TYW1B: variants seen among roughly 807,000 people sequenced by gnomAD.
The protein encoded by TYW1B is tRNA-yW synthesizing protein 1 homolog B.
TYW1B carries 73 observed loss-of-function variants against 86.9 expected under a neutral mutation model. The ratio of observed to expected loss-of-function variants is 0.84; its 90% CI spans 0.70 to 1.02. TYW1B has a LOEUF of 1.02. Ranked by LOEUF, TYW1B falls within the 50% of genes least tolerant of loss-of-function variation. The pLI, the probability that TYW1B is intolerant of heterozygous loss-of-function variation, is 0.00. For synonymous variants in TYW1B, 248 were observed against 292.8 expected, an observed-to-expected ratio of 0.85 and a Z score of 1.56; for missense variants, 637 against 827.4, an observed-to-expected ratio of 0.77 and a Z score of 2.82.
intron 11 of TYW1B, among the ~76,000 whole-genome samples, chr7:72,663,241 A>G (rs1554444723): frequency 6.6e-6 from 1 of 152,142 alleles, no homozygotes; most frequent in East Asian, 1.9e-4. Flanking sequence ...GTTTGTGGCA[A>G]TGGGTCACCA....
intron 3 of TYW1B, 62 bp downstream of exon 3, chr7:72,815,318 T>C (rs2129572812): frequency 1.5e-6 from 2 of 1,372,252 alleles, no homozygotes; most frequent in East Asian, 4.9e-5. Context: ...TTAAATTTAC[T>C]GTGAAGATTG....
chr7:72,814,699 T>C (rs1402799783), intron 3 of TYW1B, among the ~76,000 whole-genome samples: 40 of 151,780 alleles, frequency 2.6e-4, no homozygotes, highest in African/African-American at 7.7e-4. Flanking sequence ...GAGGTTGAAA[T>C]TGCACCACTG....
At chr7:72,826,335 C>G (rs1384308757) in intron 2 of TYW1B, among the ~76,000 whole-genome samples, 1 of 152,184 alleles carries the variant, frequency 6.6e-6, no homozygotes, top group African/African-American at 2.4e-5. Context: ...TTATTTTTCT[C>G]TTAATCTGAC....
intron 11 of TYW1B, among the ~76,000 whole-genome samples, chr7:72,654,459 G>A (rs1479572140): frequency 6.6e-6 from 1 of 152,200 alleles, no homozygotes; most frequent in Non-Finnish European, 1.5e-5. Context: ...GTCCAGCCTA[G>A]AGAAGCCTAA....
intron 12 of TYW1B, among the ~76,000 whole-genome samples, chr7:72,626,055 G>C (rs1812341768): frequency 6.6e-6 from 1 of 151,876 alleles, no homozygotes; most frequent in African/African-American, 2.4e-5. Context: ...GGCAAGGTTT[G>C]CTTAAGCTGA....
chr7:72,674,204 A>G (rs527644030), intron 11 of TYW1B, among the ~76,000 whole-genome samples: 1 of 152,282 alleles, frequency 6.6e-6, no homozygotes, highest in South Asian at 2.1e-4. Context: ...TTTAAGCATT[A>G]ACAAGAGCAC....
intron 2 of TYW1B, among the ~76,000 whole-genome samples, chr7:72,815,864 A>T (rs1157201409): frequency 2.0e-5 from 3 of 151,904 alleles, no homozygotes; most frequent in Non-Finnish European, 4.4e-5. Flanking sequence ...TCATCTTTAT[A>T]AAAAAAATTT....
intron 13 of TYW1B, among the ~76,000 whole-genome samples, chr7:72,592,543 A>G (rs1451555376): frequency 1.3e-5 from 2 of 152,246 alleles, no homozygotes; most frequent in African/African-American, 4.8e-5. Flanking sequence ...AAATCCCTCC[A>G]TATCAGTCAT....
chr7:72,664,892 C>T (rs1554445010), intron 11 of TYW1B, among the ~76,000 whole-genome samples: 3 of 152,122 alleles, frequency 2.0e-5, no homozygotes, highest in Non-Finnish European at 4.4e-5. Flanking sequence ...GTCATATTTG[C>T]ATTTAATCTA....
At chr7:72,607,236 T>G (rs1264959285) in intron 13 of TYW1B, among the ~76,000 whole-genome samples, 1 of 150,220 alleles carries the variant, frequency 6.7e-6, no homozygotes, top group African/African-American at 2.4e-5. Context: ...CTAATAAAAA[T>G]AAAAAAATTA....
intron 11 of TYW1B, among the ~76,000 whole-genome samples, chr7:72,678,277 G>A (rs1288892227): frequency 6.6e-6 from 1 of 152,176 alleles, no homozygotes; most frequent in African/African-American, 2.4e-5. Context: ...GGGATGGGCA[G>A]TGCTGCTGAG....
intron 11 of TYW1B, among the ~76,000 whole-genome samples, chr7:72,658,813 C>T (rs1307516596): frequency 4.6e-5 from 7 of 152,106 alleles, no homozygotes; most frequent in Non-Finnish European, 8.8e-5. Context: ...CTCCACCTCC[C>T]GTGTTCAAGC....
chr7:72,575,323 C>G lies in TYW1B; in HGVS notation c.*175G>C. ...TGAAAAGAAACATCGGGGCTGTGGC[C>G]CAGGCCCTCTGAGTGTGGACGCTGT... On this transcript the variant is annotated 3_prime_UTR_variant, in exon 14 of 14. Coordinates refer to ENST00000620995, the MANE Select transcript of TYW1B (RefSeq NM_001145440.3). 1 of 1,433,624 alleles carries G rather than the reference C, an allele frequency of 7.0e-7. No individual in the cohort carries two copies. The highest frequency in any genetic ancestry group is 9.2e-7 in the Non-Finnish European group (1 of 1,092,234). The allele number at this position is 1,433,624 out of a possible 1,614,324, so 88.8% of individuals were successfully genotyped here. A position where few individuals can be genotyped will look rare whatever the true frequency, so the allele number is the denominator to read the frequency against.
chr7:72,791,627 A>G (rs1185394649), intron 6 of TYW1B, among the ~76,000 whole-genome samples: 2 of 152,090 alleles, frequency 1.3e-5, no homozygotes, highest in African/African-American at 4.8e-5. Context: ...AACACAAAAA[A>G]TTAGCTGGGC....
chr7:72,825,085 A>T (rs112853856), intron 2 of TYW1B, among the ~76,000 whole-genome samples: 6 of 150,924 alleles, frequency 4.0e-5, no homozygotes, highest in Admixed American at 2.0e-4. Flanking sequence ...CCTGGGCAAC[A>T]GAGAGACCCT....
chr7:72,803,212 AAAC>A lies in TYW1B; in HGVS notation c.724-693_724-691del, dbSNP rs765023867. ...CATAGTGAAACCCTCATCTCTACAA[AAAC>A]AACAACAACAATGAAGAAATAAATC... is the stretch of plus-strand genomic sequence containing the variant. On this transcript the variant is annotated intron_variant, in intron 5 of 13. Transcript: ENST00000620995. Among the ~76,000 whole-genome samples, 8 of 152,102 alleles carry A rather than the reference AAAC, an allele frequency of 5.3e-5. No individual in the cohort carries two copies. In the South Asian group the frequency reaches 1.0e-3, roughly 20 times the overall value.
At chr7:72,799,119 A>C (rs1788359057) in intron 6 of TYW1B, among the ~76,000 whole-genome samples, 1 of 149,152 alleles carries the variant, frequency 6.7e-6, no homozygotes, top group Non-Finnish European at 1.5e-5. Flanking sequence ...TTGGGATTAC[A>C]GGCATGAGCC....
chr7:72,769,799 T>C (rs1787834942), intron 7 of TYW1B, among the ~76,000 whole-genome samples: 1 of 152,198 alleles, frequency 6.6e-6, no homozygotes, highest in Admixed American at 6.5e-5. Flanking sequence ...TGGCTGGGCA[T>C]GGTGGCTCAC....
In TYW1B at chr7:72,632,299, ACG is replaced by A. The variant is rs1486662197; in HGVS notation, c.1507-3304_1507-3303del. Among the ~76,000 whole-genome samples the A allele has an allele frequency of 3.3e-3, 212 of 65,088 alleles. 6 individuals are homozygous for A. Among genetic ancestry groups the A allele is most frequent in the African/African-American group, 0.022 (179 of 8,238 alleles). 42.7% of individuals were successfully genotyped at this position (65,088 alleles called of 152,430 possible). On this transcript the variant is annotated intron_variant, in intron 11 of 13. Coordinates refer to ENST00000620995, the MANE Select transcript of TYW1B (RefSeq NM_001145440.3). ...TATATATACGTGTATATATATATATACGTGTATATATATTATATATATTATAT... is the reference window on the plus strand; with the variant it reads ...TATATATACGTGTATATATATATATATGTATATATATTATATATATTATAT...
Sources: allele counts gnomAD v4.1 joint callset (sites outside exome capture counted in the v4.1 genomes callset), GRCh38; gene constraint gnomAD v4.1.1; transcripts MANE v1.5; gene names NCBI Gene and HGNC (gene_info 2026-07-23, HGNC 2026-07-21).